The following VAT1L variants were observed in gnomAD, a reference collection of about 807,000 sequenced individuals.
VAT1L encodes the protein vesicle amine transport 1 like, also known as putative NADPH-dependent quinone oxidoreductase VAT1L.
VAT1L carries 34 observed loss-of-function variants against 44.1 expected under a neutral mutation model. The observed-to-expected ratio is 0.77, with a 90% confidence interval of 0.59 to 1.03. VAT1L has a LOEUF of 1.03. Among genes scored for constraint, VAT1L ranks in the 50% least tolerant of loss-of-function variants. VAT1L has a pLI of 0.00. For missense variants in VAT1L, 615 were observed against 538.8 expected, an observed-to-expected ratio of 1.14 and a Z score of -1.40; for synonymous variants, 253 against 202.2, an observed-to-expected ratio of 1.25 and a Z score of -2.13.
At chr16:77,813,914 G>C (rs890131911) in intron 1 of VAT1L, among the ~76,000 whole-genome samples, 6 of 152,192 alleles carry the variant, frequency 3.9e-5, no homozygotes, top group Non-Finnish European at 1.5e-5. Context: ...TATAAACATG[G>C]CTCTTGTATG....
intron 3 of VAT1L, among the ~76,000 whole-genome samples, chr16:77,855,549 G>C (rs1045344959): frequency 2.6e-5 from 4 of 152,134 alleles, no homozygotes; most frequent in African/African-American, 7.2e-5. Context: ...TCTTTTGCTA[G>C]TGGTTCAGTG....
chr16:77,877,512 CA>C (rs55704400), intron 5 of VAT1L, among the ~76,000 whole-genome samples: 110 of 86,754 alleles, frequency 1.3e-3, no homozygotes, highest in Admixed American at 1.7e-3. Flanking sequence ...GACTCTGTCT[CA>C]AAAAAAAAAA....
chr16:77,862,647 A>AAT, intron 3 of VAT1L, 101 bp from the exon 4 acceptor site: 2 of 990,340 alleles, frequency 2.0e-6, no homozygotes, highest in Non-Finnish European at 2.8e-6. Flanking sequence ...AAAAAAAAAA[A>AAT]GTCAATAGTG....
In VAT1L at chr16:77,866,661, C is replaced by A. The variant is rs1475847287; in HGVS notation, c.722+3771C>A. On this transcript the variant is annotated intron_variant, in intron 4 of 8. Coordinates refer to ENST00000302536, the MANE Select transcript of VAT1L (RefSeq NM_020927.3). ...CTTGAGATGAAAACTCTTTTATAAG[C>A]CAGTCAATCGGGAAGCCTCCTTTGA... Among the ~76,000 whole-genome samples, 5 of 151,284 alleles carry A rather than the reference C, an allele frequency of 3.3e-5. No individual in the cohort carries two copies. In the East Asian group the frequency reaches 9.7e-4, roughly 29 times the overall value.
At chr16:77,949,739 C>T (rs900134011) in intron 7 of VAT1L, among the ~76,000 whole-genome samples, 1 of 152,216 alleles carries the variant, frequency 6.6e-6, no homozygotes, top group Non-Finnish European at 1.5e-5. Flanking sequence ...GCTCAATCTT[C>T]CAGCCTCCAC....
chr16:77,864,926 C>A (rs1455322335), intron 4 of VAT1L, among the ~76,000 whole-genome samples: 1 of 151,092 alleles, frequency 6.6e-6, no homozygotes, highest in African/African-American at 2.4e-5. Flanking sequence ...TGAGGACATC[C>A]ATTTGCCCAG....
intron 7 of VAT1L, among the ~76,000 whole-genome samples, chr16:77,936,871 CTTGTTTGTTTGTTTGT>C (rs142846091): frequency 4.7e-5 from 7 of 150,506 alleles, no homozygotes; most frequent in African/African-American, 1.7e-4. Flanking sequence ...TGTTTGGTTT[CTTGTTTGTTTGTTTGT>C]TTGTTTGTTT....
At chr16:77,885,770 G>A (rs904654893) in intron 7 of VAT1L, among the ~76,000 whole-genome samples, 1 of 152,038 alleles carries the variant, frequency 6.6e-6, no homozygotes, top group Admixed American at 6.6e-5. Context: ...TGTGCTTCTG[G>A]CAAGAAGGCT....
chr16:77,910,316 A>T (rs1320280780), intron 7 of VAT1L, among the ~76,000 whole-genome samples: 1 of 152,232 alleles, frequency 6.6e-6, no homozygotes, highest in Non-Finnish European at 1.5e-5. Context: ...GCCTCTCAGG[A>T]TATGTTTCAC....
At chr16:77,899,675 T>A (rs1169552983) in intron 7 of VAT1L, among the ~76,000 whole-genome samples, 13 of 152,198 alleles carry the variant, frequency 8.5e-5, no homozygotes, top group Admixed American at 8.5e-4. Context: ...AGACACCAAC[T>A]GAGTGAGGAT....
chr16:77,796,083 C>A (rs1036247905), intron 1 of VAT1L, among the ~76,000 whole-genome samples: 1 of 152,132 alleles, frequency 6.6e-6, no homozygotes, highest in African/African-American at 2.4e-5. Context: ...GCCTCGGCCT[C>A]CCAAAGTGCT....
intron 8 of VAT1L, among the ~76,000 whole-genome samples, chr16:77,974,608 G>C (rs2018315671): frequency 6.6e-6 from 1 of 152,262 alleles, no homozygotes; most frequent in South Asian, 2.1e-4. Flanking sequence ...TGTCACCCAG[G>C]CTTGAGGGCA....
chr16:77,790,670 T>G (rs1451925787), intron 1 of VAT1L, among the ~76,000 whole-genome samples: 1 of 152,162 alleles, frequency 6.6e-6, no homozygotes, highest in East Asian at 1.9e-4. Flanking sequence ...TACAGTTGCA[T>G]ATGTATGCGT....
intron 4 of VAT1L, among the ~76,000 whole-genome samples, chr16:77,875,657 T>C (rs977485706): frequency 6.6e-6 from 1 of 152,200 alleles, no homozygotes; most frequent in African/African-American, 2.4e-5. Flanking sequence ...CAACAAATGC[T>C]TTGTCTAATG....
chr16:77,911,928 G>A (rs452249), intron 7 of VAT1L, among the ~76,000 whole-genome samples: 31,483 of 152,092 alleles, frequency 0.21, 3,520 homozygotes, highest in East Asian at 0.32. Context: ...AAAACAAACT[G>A]ACGGTATGTT....
chr16:77,974,713 C>G (rs555469726), intron 8 of VAT1L, among the ~76,000 whole-genome samples: 2 of 152,252 alleles, frequency 1.3e-5, no homozygotes, highest in South Asian at 4.2e-4. Context: ...CAGGCACATG[C>G]CACCACACCC....
intron 7 of VAT1L, among the ~76,000 whole-genome samples, chr16:77,968,028 C>A (rs943358753): frequency 2.0e-5 from 3 of 152,148 alleles, no homozygotes; most frequent in African/African-American, 7.2e-5. Context: ...GGTACATTAT[C>A]TGTAAAATGG....
chr16:77,905,315 A>G lies in VAT1L; in HGVS notation c.1077+20513A>G, dbSNP rs1216492049. On this transcript the variant is annotated intron_variant, in intron 7 of 8. Coordinates refer to ENST00000302536, the MANE Select transcript of VAT1L (RefSeq NM_020927.3). ...AAAGAATTTGAAGCAAAATCAAGAA[A>G]GAAAAAGCAGTAGCTGAGAGGAGAT... Among the ~76,000 whole-genome samples the G allele has an allele frequency of 2.0e-5, 3 of 152,316 alleles. No homozygotes were observed. The East Asian group carries it at 5.8e-4, about 29-fold the overall frequency.
chr16:77,837,264 G>C (rs975589221), intron 3 of VAT1L, among the ~76,000 whole-genome samples: 1 of 152,194 alleles, frequency 6.6e-6, no homozygotes, highest in Non-Finnish European at 1.5e-5. Context: ...AGTTGACACA[G>C]CTGATTTCTC....
Sources: allele counts gnomAD v4.1 joint callset (sites outside exome capture counted in the v4.1 genomes callset), GRCh38; gene constraint gnomAD v4.1.1; transcripts MANE v1.5; gene names NCBI Gene and HGNC (gene_info 2026-07-23, HGNC 2026-07-21).